Variants in ASTN1 observed in about 807,000 individuals in gnomAD.
ASTN1 encodes the protein astrotactin 1, also known as astrotactin-1.
In ASTN1, 41 loss-of-function variants were observed where a neutral mutation model predicts 140.7. The observed-to-expected ratio is 0.29, with a 90% CI of 0.23 to 0.38. The LOEUF (loss-of-function observed/expected upper bound fraction) is 0.38. ASTN1 is among the 10% of genes least tolerant of loss of function. The pLI is 1.00. For synonymous variants in ASTN1, 640 were observed against 652.2 expected, an observed-to-expected ratio of 0.98 and a Z score of 0.29; for missense variants, 1,479 against 1,678.8, an observed-to-expected ratio of 0.88 and a Z score of 2.08.
intron 15 of ASTN1, among the ~76,000 whole-genome samples, chr1:176,934,598 C>T (rs867065403): frequency 3.8e-4 from 57 of 151,882 alleles, no homozygotes; most frequent in African/African-American, 1.2e-3. Context: ...CTACTCCTGT[C>T]CCCTTTAAAT....
chr1:176,970,929 T>A (rs1209176782), intron 8 of ASTN1, among the ~76,000 whole-genome samples: 1 of 152,184 alleles, frequency 6.6e-6, no homozygotes, highest in Non-Finnish European at 1.5e-5. Context: ...TGTCCACAGT[T>A]AAATGAAAGC....
intron 2 of ASTN1, among the ~76,000 whole-genome samples, chr1:177,045,427 T>G (rs1283972978): frequency 1.3e-5 from 2 of 152,212 alleles, no homozygotes; most frequent in Non-Finnish European, 2.9e-5. Flanking sequence ...GTTCACACTA[T>G]TGGTCAGTTC....
chr1:176,873,027 G>A (rs1043489963), intron 21 of ASTN1, among the ~76,000 whole-genome samples: 2 of 152,204 alleles, frequency 1.3e-5, no homozygotes, highest in East Asian at 3.8e-4. Context: ...CAGGTATTTA[G>A]TAAGGGCTTA....
chr1:176,924,492 A>T (rs1340159070), intron 16 of ASTN1, among the ~76,000 whole-genome samples: 1 of 152,216 alleles, frequency 6.6e-6, no homozygotes, highest in African/African-American at 2.4e-5. Flanking sequence ...AGCATCTATC[A>T]GTATCATAAA....
At chr1:177,086,785 C>A (rs961462628) in intron 1 of ASTN1, among the ~76,000 whole-genome samples, 5 of 152,022 alleles carry the variant, frequency 3.3e-5, no homozygotes, top group South Asian at 4.2e-4. Flanking sequence ...TTTAAAAATT[C>A]TTCTCTATAT....
At chr1:177,063,138 C>A (rs945082802) in intron 1 of ASTN1, among the ~76,000 whole-genome samples, 1 of 152,064 alleles carries the variant, frequency 6.6e-6, no homozygotes, top group Non-Finnish European at 1.5e-5. Context: ...TCAGCTGGTC[C>A]GCTAAGGGTA....
chr1:176,930,274 G>C (rs1223053494), intron 16 of ASTN1, among the ~76,000 whole-genome samples: 2 of 152,172 alleles, frequency 1.3e-5, no homozygotes, highest in African/African-American at 4.8e-5. Flanking sequence ...CTACCACAGT[G>C]TAGTACTTAC....
chr1:176,881,285 T>A (rs943681655), intron 20 of ASTN1, among the ~76,000 whole-genome samples: 12 of 152,160 alleles, frequency 7.9e-5, no homozygotes, highest in African/African-American at 2.9e-4. Flanking sequence ...AGGGACATAA[T>A]GGGAGATCAG....
chr1:177,096,953 T>C (rs749709743), intron 1 of ASTN1, among the ~76,000 whole-genome samples: 2 of 152,140 alleles, frequency 1.3e-5, no homozygotes, highest in Non-Finnish European at 2.9e-5. Flanking sequence ...ATCTCTGAAC[T>C]AAGAAATGGC....
chr1:177,074,684 T>C (rs1393905061), intron 1 of ASTN1, among the ~76,000 whole-genome samples: 5 of 152,234 alleles, frequency 3.3e-5, no homozygotes, highest in African/African-American at 1.2e-4. Flanking sequence ...TACTTTGATA[T>C]CACCTTTCCT....
chr1:176,912,105 G>A (rs1398194466), intron 16 of ASTN1, among the ~76,000 whole-genome samples: 7 of 152,180 alleles, frequency 4.6e-5, no homozygotes, highest in Non-Finnish European at 7.3e-5. Context: ...ATTATATCAG[G>A]AGACGTATGC....
intron 1 of ASTN1, among the ~76,000 whole-genome samples, chr1:177,134,310 CAT>C (rs1238339849): frequency 1.3e-5 from 2 of 152,236 alleles, no homozygotes; most frequent in Admixed American, 1.3e-4. Context: ...CTCCACCACT[CAT>C]TATCTACTCC....
At chr1:177,148,846 CTG>C (rs1193397127) in intron 1 of ASTN1, among the ~76,000 whole-genome samples, 9 of 151,690 alleles carry the variant, frequency 5.9e-5, no homozygotes, top group Non-Finnish European at 1.5e-5. Flanking sequence ...GCACACAGAA[CTG>C]TGACTGCTAT....
At chr1:176,992,847 C>A (rs1173754876) in intron 8 of ASTN1, among the ~76,000 whole-genome samples, 1 of 152,148 alleles carries the variant, frequency 6.6e-6, no homozygotes, top group Non-Finnish European at 1.5e-5. Context: ...TGAATTGTCA[C>A]CCCCGAAACT....
intron 1 of ASTN1, among the ~76,000 whole-genome samples, chr1:177,124,909 G>A (rs1215112941): frequency 2.0e-5 from 3 of 152,206 alleles, no homozygotes; most frequent in Non-Finnish European, 2.9e-5. Context: ...TGCTTGTGTG[G>A]TAGTCCGTGC....
intron 1 of ASTN1, among the ~76,000 whole-genome samples, chr1:177,150,388 T>C (rs1360861315): frequency 2.0e-5 from 3 of 152,258 alleles, no homozygotes; most frequent in South Asian, 2.1e-4. Flanking sequence ...AGGTAAAGCA[T>C]GTAAATTTGG....
rs1159096487 is a variant in ASTN1, at chr1:176,881,222, GCT to G, written c.3362+1635_3362+1636del. ...GTTTCTTCCTTAGCCCCCTGCATTG[GCT>G]CCAACTTCTCAATAAACAGCATTCA... On this transcript the variant is annotated intron_variant, in intron 20 of 22. Transcript: ENST00000361833. 2.0e-5 allele frequency among the ~76,000 whole-genome samples: 3 copies of G among 152,128 alleles called. No individual in the cohort carries two copies. In the East Asian group the frequency reaches 5.8e-4, roughly 29 times the overall value.
In ASTN1 at chr1:177,014,837, C is replaced by T. The variant is rs1323097988; in HGVS notation, c.1477G>A (p.Val493Ile). 1 of 1,613,720 alleles carries T rather than the reference C, an allele frequency of 6.2e-7. No individual in the cohort carries two copies. The highest frequency in any genetic ancestry group is 8.5e-7 in the Non-Finnish European group (1 of 1,179,818). Residue 493 changes from valine to isoleucine, a missense_variant, in exon 8 of 23, where the codon GTA becomes ATA. This residue lies in a region of ASTN1 where 729 missense variants were observed against 860.4 expected (regional missense o/e 0.85). Coordinates refer to ENST00000361833, the MANE Select transcript of ASTN1 (RefSeq NM_004319.3). Reference sequence around the variant, plus strand: ...TTCCGAATGCAAAGGTGCTTATGTACTGGATCCTTCATGTAGCCTTCATAG... The same window carrying T: ...TTCCGAATGCAAAGGTGCTTATGTATTGGATCCTTCATGTAGCCTTCATAG... ...LCYEGYMKDP[V>I]HKHLCIRNEW...
intron 6 of ASTN1, among the ~76,000 whole-genome samples, chr1:177,024,135 T>A (rs1362962586): frequency 6.6e-6 from 1 of 152,214 alleles, no homozygotes; most frequent in Non-Finnish European, 1.5e-5. Context: ...GAAAGTAAAT[T>A]ATTACTTCTG....
Sources: allele counts gnomAD v4.1 joint callset (sites outside exome capture counted in the v4.1 genomes callset), GRCh38; gene constraint gnomAD v4.1.1; regional missense constraint gnomAD v4.1.1; transcripts MANE v1.5; gene names NCBI Gene and HGNC (gene_info 2026-07-23, HGNC 2026-07-21).